Variants in PSPC1 observed in about 807,000 individuals in gnomAD.
PSPC1 encodes paraspeckle component 1.
In PSPC1, 14 loss-of-function variants were observed where a neutral mutation model predicts 51.6. The ratio of observed to expected loss-of-function variants is 0.27; its 90% CI spans 0.18 to 0.42. The LOEUF (loss-of-function observed/expected upper bound fraction) is 0.42, where lower values mean the gene tolerates loss of function less well. Ranked by LOEUF, PSPC1 falls within the 10% of genes least tolerant of loss-of-function variation. PSPC1 has a pLI of 1.00. For missense variants in PSPC1, 406 were observed against 701.1 expected, an observed-to-expected ratio of 0.58 and a Z score of 4.75; for synonymous variants, 193 against 231.9, an observed-to-expected ratio of 0.83 and a Z score of 1.53.
intron 3 of PSPC1, among the ~76,000 whole-genome samples, chr13:19,758,530 TAAAAC>T (rs1217480266): frequency 6.6e-6 from 1 of 151,696 alleles, no homozygotes; most frequent in Non-Finnish European, 1.5e-5. Flanking sequence ...AAGCACAAAA[TAAAAC>T]TTAAGAAGTA....
At position 19,782,276 on chromosome 13, in the gene PSPC1, G is replaced by C. The variant is rs1316722338; in HGVS notation, c.372+110C>G. The C allele has an allele frequency of 2.8e-6, 4 of 1,413,604 alleles. No individual in the cohort carries two copies. The African/African-American group carries it at 6.0e-5, about 21-fold the overall frequency. The allele number at this position is 1,413,604 out of a possible 1,614,324, so 87.6% of individuals were successfully genotyped here. A position where few individuals can be genotyped will look rare whatever the true frequency, so the allele number is the denominator to read the frequency against. ...AATCGATGAGGCCGAGCGGCGCCACGGTTGCCACAGGTTGAGACAGCGTCC... is the reference window on the plus strand; with the variant it reads ...AATCGATGAGGCCGAGCGGCGCCACCGTTGCCACAGGTTGAGACAGCGTCC... On this transcript the variant is annotated intron_variant, in intron 1 of 8. Transcript: ENST00000338910. This position sits in a 1 kb window ranked among gnomAD's most constrained non-coding sequence, Gnocchi z 4.5.
At chr13:19,686,290 G>A (rs1877867224) in intron 6 of PSPC1, among the ~76,000 whole-genome samples, 1 of 152,118 alleles carries the variant, frequency 6.6e-6, no homozygotes, top group Non-Finnish European at 1.5e-5. Context: ...AAAATTACCT[G>A]GGGGAGGGAG....
At chr13:19,744,676 T>C (rs1885776063) in intron 4 of PSPC1, among the ~76,000 whole-genome samples, 3 of 152,108 alleles carry the variant, frequency 2.0e-5, no homozygotes, top group Admixed American at 6.5e-5. Flanking sequence ...GCAATTCTCC[T>C]GCCTCAGCCT....
At chr13:19,716,817 T>C (rs1470438728) in intron 6 of PSPC1, among the ~76,000 whole-genome samples, 2 of 152,218 alleles carry the variant, frequency 1.3e-5, no homozygotes, top group African/African-American at 4.8e-5. Context: ...TATATTCTAT[T>C]ACCTTTTCCT....
chr13:19,761,088 T>C (rs181165449), intron 2 of PSPC1, among the ~76,000 whole-genome samples: 80 of 151,918 alleles, frequency 5.3e-4, no homozygotes, highest in Non-Finnish European at 8.2e-4. Context: ...GAGGCTGCAG[T>C]GAGCTATGAT....
intron 3 of PSPC1, among the ~76,000 whole-genome samples, chr13:19,753,939 A>C (rs570655040): frequency 2.5e-4 from 38 of 152,194 alleles, no homozygotes; most frequent in African/African-American, 8.9e-4. Flanking sequence ...ACTGGTCAGC[A>C]GTTCCAAAGT....
chr13:19,736,512 T>A (rs1434812267), intron 5 of PSPC1, among the ~76,000 whole-genome samples: 3 of 151,666 alleles, frequency 2.0e-5, no homozygotes, highest in African/African-American at 4.8e-5. Context: ...TGAAACCCCA[T>A]CTCTACTAAA....
intron 5 of PSPC1, among the ~76,000 whole-genome samples, chr13:19,738,279 T>C (rs9508868): frequency 0.8 from 121,958 of 151,864 alleles, 50,242 homozygotes; most frequent in East Asian, 0.96. Flanking sequence ...TGATGAGAAA[T>C]TTGAGTCTCA....
At chr13:19,752,911 G>A (rs547542458) in intron 3 of PSPC1, among the ~76,000 whole-genome samples, 18 of 151,680 alleles carry the variant, frequency 1.2e-4, no homozygotes, top group Admixed American at 2.6e-4. Context: ...AAGAATTTTT[G>A]TTGTTGGAGG....
chr13:19,720,298 G>A (rs1388554594), intron 6 of PSPC1, among the ~76,000 whole-genome samples: 1 of 152,100 alleles, frequency 6.6e-6, no homozygotes, highest in East Asian at 1.9e-4. Context: ...CATCATAACT[G>A]GCCAGGTCAA....
intron 2 of PSPC1, among the ~76,000 whole-genome samples, chr13:19,761,235 A>ACT (rs1453934059): frequency 6.6e-6 from 1 of 152,148 alleles, no homozygotes; most frequent in Non-Finnish European, 1.5e-5. Context: ...AAAAGCTGGG[A>ACT]TAAGGAAATG....
chr13:19,779,504 A>G (rs1431794582), intron 1 of PSPC1, among the ~76,000 whole-genome samples: 33 of 15,212 alleles, frequency 2.2e-3, no homozygotes, highest in Non-Finnish European at 2.7e-3. Context: ...CGGGAGGGAG[A>G]TGGGGGGGTC....
chr13:19,769,179 G>A (rs1224232088), intron 2 of PSPC1, among the ~76,000 whole-genome samples: 4 of 150,432 alleles, frequency 2.7e-5, no homozygotes, highest in South Asian at 2.1e-4. Context: ...GGCTGGGCGC[G>A]GTGGCTCACG....
rs187407993 is a variant in PSPC1, at chr13:19,721,796, A to G, written c.1158+8443T>C. Among the ~76,000 whole-genome samples the G allele has an allele frequency of 2.7e-4, 41 of 152,338 alleles. No individual in the cohort carries two copies. In the East Asian group the frequency reaches 6.9e-3, roughly 26 times the overall value. ...GTCTAATACTCTGAAGTAAAAAGTT[A>G]GGTGTGTTGAAAACCAAGCAAAAAA... is the stretch of plus-strand genomic sequence containing the variant. On this transcript the variant is annotated intron_variant, in intron 6 of 8. Coordinates refer to ENST00000338910, the MANE Select transcript of PSPC1 (RefSeq NM_001354909.2).
intron 6 of PSPC1, among the ~76,000 whole-genome samples, chr13:19,688,177 T>A (rs1033296187): frequency 6.6e-6 from 1 of 152,126 alleles, no homozygotes; most frequent in Non-Finnish European, 1.5e-5. Flanking sequence ...CCAACTATTG[T>A]ATCTTATATG....
intron 6 of PSPC1, among the ~76,000 whole-genome samples, chr13:19,691,621 T>G (rs530720878): frequency 1.3e-5 from 2 of 151,848 alleles, no homozygotes; most frequent in East Asian, 2.0e-4. Context: ...AAGGCACTTA[T>G]AAGAGATTTA....
chr13:19,773,935 G>A (rs1266026590), intron 1 of PSPC1, among the ~76,000 whole-genome samples: 1 of 152,094 alleles, frequency 6.6e-6, no homozygotes, highest in African/African-American at 2.4e-5. Context: ...AAGATTACAG[G>A]TGTGAGCCAT....
chr13:19,694,150 A>T (rs866989992), intron 6 of PSPC1, among the ~76,000 whole-genome samples: 193 of 19,352 alleles, frequency 1.0e-2, no homozygotes, highest in Middle Eastern at 0.045. Context: ...AAAAAAAAAA[A>T]CCATATATAT....
intron 6 of PSPC1, among the ~76,000 whole-genome samples, chr13:19,721,873 A>G (rs3847991): frequency 0.1 from 15,492 of 152,270 alleles, 912 homozygotes; most frequent in African/African-American, 0.16. Flanking sequence ...TTAATCACGT[A>G]TGAAGTCTAT....
Sources: allele counts gnomAD v4.1 joint callset (sites outside exome capture counted in the v4.1 genomes callset), GRCh38; gene constraint gnomAD v4.1.1; non-coding constraint Gnocchi (gnomAD v3.1); transcripts MANE v1.5; gene names NCBI Gene and HGNC (gene_info 2026-07-23, HGNC 2026-07-21).